Variants in SORCS1 observed in about 807,000 individuals in gnomAD.
SORCS1 encodes the protein VPS10 domain-containing receptor SorCS1.
A neutral mutation model predicts 146.1 loss-of-function variants in SORCS1; 60 were observed. The ratio of observed to expected loss-of-function variants is 0.41; its 90% CI spans 0.33 to 0.51. The LOEUF is 0.51. SORCS1 is among the 20% of genes least tolerant of loss of function. SORCS1 has a pLI of 0.21. For missense variants in SORCS1, 1,352 were observed against 1,487.6 expected (o/e 0.91, Z 1.50); for synonymous variants, 637 against 584.0 (o/e 1.09, Z -1.31).
chr10:106,818,297 G>C (rs1947840268), intron 3 of SORCS1, among the ~76,000 whole-genome samples: 1 of 151,762 alleles, frequency 6.6e-6, no homozygotes, highest in African/African-American at 2.4e-5. Flanking sequence ...AGCAAGACAG[G>C]AAGAAAGTTT....
chr10:106,939,771 A>G (rs1313741445), intron 2 of SORCS1, among the ~76,000 whole-genome samples: 4 of 152,260 alleles, frequency 2.6e-5, no homozygotes, highest in Non-Finnish European at 5.9e-5. Context: ...GAGGAGCAGT[A>G]CTGTATTTCG....
At chr10:107,079,039 C>T (rs1035928468) in intron 1 of SORCS1, among the ~76,000 whole-genome samples, 1 of 152,148 alleles carries the variant, frequency 6.6e-6, no homozygotes, top group African/African-American at 2.4e-5. Context: ...TCCTGGCTAA[C>T]GTGGTGAAAC....
chr10:106,621,332 T>C (rs1847730271), intron 19 of SORCS1, among the ~76,000 whole-genome samples: 1 of 152,100 alleles, frequency 6.6e-6, no homozygotes, highest in Non-Finnish European at 1.5e-5. Context: ...TGAGTCACTG[T>C]TTCCAGGCAA....
chr10:106,607,385 G>C, intron 22 of SORCS1, 88 bp from the exon 23 acceptor site: 1 of 1,532,328 alleles, frequency 6.5e-7, no homozygotes, highest in South Asian at 1.3e-5. Flanking sequence ...ATCAGGGGTA[G>C]GCAGAAGACA....
intron 24 of SORCS1, among the ~76,000 whole-genome samples, chr10:106,583,238 GA>G (rs997505902): frequency 1.3e-5 from 2 of 151,862 alleles, no homozygotes; most frequent in Non-Finnish European, 2.9e-5. Context: ...TTCTTCTACA[GA>G]AAAAAAATCC....
At chr10:107,139,280 G>T (rs1967597490) in intron 1 of SORCS1, among the ~76,000 whole-genome samples, 1 of 152,164 alleles carries the variant, frequency 6.6e-6, no homozygotes, top group Non-Finnish European at 1.5e-5. Context: ...GCTAGTAATA[G>T]GCAGAGTTGT....
At chr10:107,127,713 C>T (rs1459571432) in intron 1 of SORCS1, among the ~76,000 whole-genome samples, 1 of 152,218 alleles carries the variant, frequency 6.6e-6, no homozygotes, top group African/African-American at 2.4e-5. Context: ...TCAAAGGCTG[C>T]CTTTCCATCT....
At chr10:106,864,892 C>T (rs1950171113) in intron 2 of SORCS1, among the ~76,000 whole-genome samples, 1 of 152,140 alleles carries the variant, frequency 6.6e-6, no homozygotes, top group Non-Finnish European at 1.5e-5. Context: ...AAAGAAGGTC[C>T]CTGATCCTGT....
intron 2 of SORCS1, among the ~76,000 whole-genome samples, chr10:106,945,094 G>A (rs1954263840): frequency 6.6e-6 from 1 of 151,628 alleles, no homozygotes; most frequent in African/African-American, 2.4e-5. Flanking sequence ...CACCATGTTG[G>A]CCAGGCTGGT....
intron 2 of SORCS1, among the ~76,000 whole-genome samples, chr10:106,839,197 C>A (rs1948916003): frequency 6.6e-6 from 1 of 152,148 alleles, no homozygotes; most frequent in East Asian, 1.9e-4. Context: ...TGTCAAAAGG[C>A]AAGACAGGGC....
chr10:106,716,159 C>T (rs1423721405), intron 6 of SORCS1, among the ~76,000 whole-genome samples: 3 of 152,104 alleles, frequency 2.0e-5, no homozygotes, highest in Non-Finnish European at 4.4e-5. Flanking sequence ...AATACAAATA[C>T]AGATCTTCTG....
At chr10:106,785,939 A>T (rs1946035554) in intron 3 of SORCS1, among the ~76,000 whole-genome samples, 1 of 152,220 alleles carries the variant, frequency 6.6e-6, no homozygotes. Flanking sequence ...TGAGAGGTGG[A>T]AAAGGGTCAA....
At chr10:107,044,960 CT>C (rs1959240773) in intron 1 of SORCS1, among the ~76,000 whole-genome samples, 1 of 151,904 alleles carries the variant, frequency 6.6e-6, no homozygotes, top group African/African-American at 2.4e-5. Flanking sequence ...TGACATAAGG[CT>C]TTAGGAATGC....
chr10:107,034,298 G>C (rs1449240078), intron 1 of SORCS1, among the ~76,000 whole-genome samples: 2 of 152,044 alleles, frequency 1.3e-5, no homozygotes, highest in Non-Finnish European at 2.9e-5. Flanking sequence ...CCAGAGTCAG[G>C]AGCACAGACA....
At chr10:106,597,326 A>G (rs765325816) in intron 24 of SORCS1, 25 bp downstream of exon 24, 2 of 1,605,380 alleles carry the variant, frequency 1.2e-6, no homozygotes. Flanking sequence ...GCCACCAGCC[A>G]GAACCCCGGG....
At chr10:107,122,718 AAGT>A (rs1966479092) in intron 1 of SORCS1, among the ~76,000 whole-genome samples, 2 of 152,172 alleles carry the variant, frequency 1.3e-5, no homozygotes, top group African/African-American at 4.8e-5. Context: ...AGAAAAAAAA[AAGT>A]AGTCCTGTTT....
At chr10:107,145,872 A>T (rs188892755) in intron 1 of SORCS1, among the ~76,000 whole-genome samples, 2 of 152,332 alleles carry the variant, frequency 1.3e-5, no homozygotes, top group South Asian at 4.1e-4. Context: ...AAGGAGCCCA[A>T]ATTATTTGCA....
intron 1 of SORCS1, among the ~76,000 whole-genome samples, chr10:106,957,937 G>A (rs929101938): frequency 1.3e-5 from 2 of 152,174 alleles, no homozygotes; most frequent in South Asian, 4.1e-4. Context: ...CCGTCTATGA[G>A]TCCGTGATCC....
At chr10:106,826,090 T>C (rs1361542724) in intron 3 of SORCS1, among the ~76,000 whole-genome samples, 2 of 152,222 alleles carry the variant, frequency 1.3e-5, no homozygotes, top group Non-Finnish European at 1.5e-5. Context: ...TGATCCCCGG[T>C]AGTACCCCTA....
Sources: allele counts gnomAD v4.1 joint callset (sites outside exome capture counted in the v4.1 genomes callset), GRCh38; gene constraint gnomAD v4.1.1; transcripts MANE v1.5; gene names NCBI Gene and HGNC (gene_info 2026-07-23, HGNC 2026-07-21).